The following SRGAP1 variants were observed in gnomAD, a reference collection of about 807,000 sequenced individuals.
SRGAP1 encodes the protein SLIT-ROBO Rho GTPase activating protein 1, also known as SLIT-ROBO Rho GTPase-activating protein 1.
SRGAP1 carries 43 observed loss-of-function variants against 121.9 expected under a neutral mutation model. That is an observed-to-expected ratio of 0.35 (90% CI 0.28 to 0.46). The LOEUF is 0.46. Ranked by LOEUF, SRGAP1 falls within the 20% of genes least tolerant of loss-of-function variation. The probability of loss-of-function intolerance (pLI) is 1.00; values close to 1 mark genes in which losing one functional copy is unlikely to be tolerated. For synonymous variants in SRGAP1, 447 were observed against 485.4 expected (o/e 0.92, Z 1.04); for missense variants, 1,102 against 1,350.9 (o/e 0.82, Z 2.89).
chr12:63,992,199 G>A (rs1379176228), intron 3 of SRGAP1, among the ~76,000 whole-genome samples: 4 of 152,334 alleles, frequency 2.6e-5, no homozygotes, highest in Middle Eastern at 3.4e-3. Flanking sequence ...GACTTTGTAC[G>A]TCTTGCTAAA....
At chr12:63,846,080 C>T (rs192680458) in intron 1 of SRGAP1, among the ~76,000 whole-genome samples, 2 of 152,208 alleles carry the variant, frequency 1.3e-5, no homozygotes, top group East Asian at 3.9e-4. Context: ...ACACAATATG[C>T]AAGATAACTT....
chr12:63,904,548 G>A (rs2030105880), intron 1 of SRGAP1, among the ~76,000 whole-genome samples: 1 of 152,166 alleles, frequency 6.6e-6, no homozygotes, highest in African/African-American at 2.4e-5. Flanking sequence ...CTCTTCTAAT[G>A]TGTCCTGGTA....
chr12:63,848,253 G>C (rs1026209808), intron 1 of SRGAP1, among the ~76,000 whole-genome samples: 2 of 151,926 alleles, frequency 1.3e-5, no homozygotes, highest in African/African-American at 4.8e-5. Flanking sequence ...TGATCCACCT[G>C]CCTCTGCCTC....
intron 8 of SRGAP1, 57 bp downstream of exon 8, chr12:64,065,276 A>T: frequency 7.4e-7 from 1 of 1,347,854 alleles, no homozygotes; most frequent in Non-Finnish European, 1.0e-6. Context: ...TAACTGGAAG[A>T]CATTCTCACA....
intron 3 of SRGAP1, among the ~76,000 whole-genome samples, chr12:63,996,297 T>A (rs545505297): frequency 6.6e-6 from 1 of 152,212 alleles, no homozygotes; most frequent in East Asian, 1.9e-4. Context: ...CTATATGGCT[T>A]GGAAAGGTGC....
At chr12:63,949,354 G>C (rs527445137) in intron 1 of SRGAP1, among the ~76,000 whole-genome samples, 1 of 139,916 alleles carries the variant, frequency 7.1e-6, no homozygotes, top group East Asian at 2.0e-4. Flanking sequence ...TTTGCTGTTG[G>C]TCTTTGAAAA....
chr12:63,910,547 G>C (rs1323016949), intron 1 of SRGAP1, among the ~76,000 whole-genome samples: 1 of 152,068 alleles, frequency 6.6e-6, no homozygotes, highest in East Asian at 1.9e-4. Flanking sequence ...GCAAGCATTG[G>C]GGTCTTTCTA....
Position 63,899,983 on chromosome 12 carries a change from T to C in SRGAP1, c.67+55100T>C, listed in dbSNP as rs1431584434. On this transcript the variant is annotated intron_variant, in intron 1 of 21. Transcript: ENST00000355086. ...AAGGCATGTTACTGTCAAAAAACTT[T>C]CTAGAAGCTTGATAGAGCTCTTAAC... is the stretch of plus-strand genomic sequence containing the variant. 7.2e-5 allele frequency among the ~76,000 whole-genome samples: 11 copies of C among 152,138 alleles called. 1 individual carries two copies. The highest frequency in any genetic ancestry group is 6.5e-4 in the Admixed American group (10 of 15,272).
chr12:63,856,605 A>G (rs1899259583), intron 1 of SRGAP1, among the ~76,000 whole-genome samples: 1 of 147,420 alleles, frequency 6.8e-6, no homozygotes, highest in African/African-American at 2.6e-5. Flanking sequence ...TGAAAGTTTC[A>G]CATACGCAAA....
intron 18 of SRGAP1, among the ~76,000 whole-genome samples, chr12:64,119,567 AT>A (rs1171050987): frequency 2.6e-5 from 4 of 151,940 alleles, no homozygotes; most frequent in African/African-American, 9.7e-5. Context: ...CTCTGTAGAG[AT>A]TTTTTTCATT....
intron 1 of SRGAP1, among the ~76,000 whole-genome samples, chr12:63,966,198 C>T (rs888679647): frequency 6.6e-5 from 10 of 152,174 alleles, no homozygotes; most frequent in African/African-American, 2.4e-4. Context: ...AATATAAATT[C>T]TTGGGAATGT....
At chr12:64,045,766 A>C (rs1249556514) in intron 6 of SRGAP1, among the ~76,000 whole-genome samples, 1 of 151,802 alleles carries the variant, frequency 6.6e-6, no homozygotes, top group Non-Finnish European at 1.5e-5. Context: ...TACAAGAAAA[A>C]CTCTCCGTGT....
At chr12:63,946,507 C>G (rs989163168) in intron 1 of SRGAP1, among the ~76,000 whole-genome samples, 1 of 151,022 alleles carries the variant, frequency 6.6e-6, no homozygotes, top group East Asian at 1.9e-4. Flanking sequence ...GACCTGCTTT[C>G]TCTTGCTGGT....
chr12:64,126,485 G>A (rs371618495), intron 19 of SRGAP1, among the ~76,000 whole-genome samples: 1 of 152,302 alleles, frequency 6.6e-6, no homozygotes, highest in Non-Finnish European at 1.5e-5. Context: ...TCTGTTTACC[G>A]TTTCAATTCC....
chr12:63,993,103 C>T (rs1357333396), intron 3 of SRGAP1, among the ~76,000 whole-genome samples: 1 of 152,134 alleles, frequency 6.6e-6, no homozygotes, highest in Non-Finnish European at 1.5e-5. Flanking sequence ...TAAGATCAAC[C>T]CCTAGGACAC....
At chr12:63,994,069 A>C (rs2033628217) in intron 3 of SRGAP1, among the ~76,000 whole-genome samples, 1 of 152,124 alleles carries the variant, frequency 6.6e-6, no homozygotes, top group African/African-American at 2.4e-5. Flanking sequence ...ATATTTGTAA[A>C]TACGCCTCAG....
chr12:64,038,714 G>T (rs1331193656), intron 4 of SRGAP1: 3 of 152,148 alleles, frequency 2.0e-5, no homozygotes, highest in Admixed American at 6.5e-5. Flanking sequence ...TTCATGACGT[G>T]GGTCGTTTTC....
At chr12:64,132,771 C>T (rs759561275) in intron 21 of SRGAP1, among the ~76,000 whole-genome samples, 19 of 152,306 alleles carry the variant, frequency 1.2e-4, no homozygotes, top group Admixed American at 6.5e-4. Context: ...TAATATCTTG[C>T]GGAAGCAAAA....
chr12:63,958,216 ATTC>A (rs1313834840), intron 1 of SRGAP1, among the ~76,000 whole-genome samples: 1 of 152,218 alleles, frequency 6.6e-6, no homozygotes, highest in Non-Finnish European at 1.5e-5. Context: ...ACCCAGTGGT[ATTC>A]TTATGGCCCT....
Sources: gnomAD v4.1 joint callset for allele counts (sites outside exome capture counted in the v4.1 genomes callset) on GRCh38, gnomAD v4.1.1 for gene constraint, MANE v1.5 for transcripts, NCBI Gene and HGNC (gene_info 2026-07-23, HGNC 2026-07-21) for gene names.